Variants in RBM25 observed in about 807,000 individuals in gnomAD.
RBM25 encodes the protein RNA-binding protein 25.
A neutral mutation model predicts 120.7 loss-of-function variants in RBM25; 19 were observed. The ratio of observed to expected loss-of-function variants is 0.16; its 90% CI spans 0.11 to 0.23. The LOEUF (loss-of-function observed/expected upper bound fraction) is 0.23, where lower values mean the gene tolerates loss of function less well. RBM25 is among the 10% of genes least tolerant of loss of function. The pLI, the probability that RBM25 is intolerant of heterozygous loss-of-function variation, is 1.00. For missense variants in RBM25, 605 were observed against 1,041.5 expected, an observed-to-expected ratio of 0.58 and a Z score of 5.77; for synonymous variants, 390 against 326.7, an observed-to-expected ratio of 1.19 and a Z score of -2.09.
At chr14:73,075,432 T>G (rs1842371345) in intron 2 of RBM25, among the ~76,000 whole-genome samples, 1 of 152,216 alleles carries the variant, frequency 6.6e-6, no homozygotes. Context: ...GTGCTGGCAT[T>G]ACAGGCGTGA....
chr14:73,095,132 C>T lies in RBM25; in HGVS notation c.544-1783C>T, dbSNP rs181961102. ...GCCTCCCAAAGCGCTGGGTTGCAGG[C>T]GTGAGCCACCGAGCCCTGCCAAGTG... is the stretch of plus-strand genomic sequence containing the variant. On this transcript the variant is annotated intron_variant, in intron 6 of 18. Transcript: ENST00000261973. 9.9e-5 allele frequency among the ~76,000 whole-genome samples: 15 copies of T among 151,970 alleles called. No homozygotes were observed. In the East Asian group the frequency reaches 2.1e-3, roughly 22 times the overall value.
At chr14:73,080,586 C>G (rs1390478431) in intron 4 of RBM25, among the ~76,000 whole-genome samples, 1 of 152,010 alleles carries the variant, frequency 6.6e-6, no homozygotes, top group South Asian at 2.1e-4. Context: ...TGTGAAATAC[C>G]TTATTCCTAT....
chr14:73,115,207 T>C (rs963162996), intron 18 of RBM25, among the ~76,000 whole-genome samples: 8 of 151,440 alleles, frequency 5.3e-5, no homozygotes, highest in African/African-American at 2.0e-4. Context: ...CGGATACATG[T>C]GCAGGTTTGT....
intron 1 of RBM25, chr14:73,065,059 T>G (rs1594893782): frequency 6.8e-6 from 1 of 146,240 alleles, no homozygotes; most frequent in Non-Finnish European, 1.5e-5. Flanking sequence ...CAAGCAATTC[T>G]CCTGCCTCAC....
intron 10 of RBM25, among the ~76,000 whole-genome samples, chr14:73,105,364 T>C (rs538293077): frequency 6.6e-6 from 1 of 152,354 alleles, no homozygotes; most frequent in South Asian, 2.1e-4. Context: ...TCAGTGCTGA[T>C]ACTTATAAAA....
chr14:73,116,719 TC>T (rs2140467455), intron 18 of RBM25, among the ~76,000 whole-genome samples: 1 of 152,350 alleles, frequency 6.6e-6, no homozygotes, highest in African/African-American at 2.4e-5. Flanking sequence ...TCAGCAGAGT[TC>T]CTATCATACA....
At chr14:73,114,456 A>G in intron 18 of RBM25, 123 bp downstream of exon 18, 1 of 601,552 alleles carries the variant, frequency 1.7e-6, no homozygotes, top group Non-Finnish European at 2.7e-6. Context: ...TCCTAGGCTT[A>G]AGTGATCCTC....
intron 15 of RBM25, 114 bp from the exon 16 acceptor site, chr14:73,111,414 T>C: frequency 8.2e-7 from 1 of 1,217,054 alleles, no homozygotes. Flanking sequence ...ACAGTTGGGA[T>C]CTTTCTCTAA....
chr14:73,075,952 A>G (rs1054496728), intron 2 of RBM25, among the ~76,000 whole-genome samples: 4 of 151,764 alleles, frequency 2.6e-5, no homozygotes, highest in Non-Finnish European at 5.9e-5. Flanking sequence ...AGCTGTTTTT[A>G]CTTTTAAAGG....
At chr14:73,088,228 A>G in intron 6 of RBM25, 67 bp downstream of exon 6, 1 of 1,570,722 alleles carries the variant, frequency 6.4e-7, no homozygotes, top group Non-Finnish European at 8.7e-7. Context: ...GCTTCTCATT[A>G]TAAATGAATC....
At chr14:73,085,200 G>A (rs750720783) in intron 5 of RBM25, among the ~76,000 whole-genome samples, 1 of 151,586 alleles carries the variant, frequency 6.6e-6, no homozygotes, top group Non-Finnish European at 1.5e-5. Flanking sequence ...TGTACTTTTA[G>A]TAGAGACAGG....
At chr14:73,072,686 G>A (rs2140428200) in intron 2 of RBM25, among the ~76,000 whole-genome samples, 1 of 152,256 alleles carries the variant, frequency 6.6e-6, no homozygotes, top group Non-Finnish European at 1.5e-5. Context: ...GTGGTGGTGC[G>A]TGTCTGTTGT....
At chr14:73,089,905 C>A (rs968883905) in intron 6 of RBM25, among the ~76,000 whole-genome samples, 1 of 152,170 alleles carries the variant, frequency 6.6e-6, no homozygotes, top group Non-Finnish European at 1.5e-5. Flanking sequence ...CTGCCTCAGC[C>A]TCCCAAAGTG....
intron 2 of RBM25, among the ~76,000 whole-genome samples, chr14:73,072,047 A>G (rs542146877): frequency 1.3e-4 from 20 of 151,632 alleles, no homozygotes; most frequent in African/African-American, 4.4e-4. Flanking sequence ...ATCTCCGCTC[A>G]CTGCAACCTC....
chr14:73,095,482 T>C lies in RBM25; in HGVS notation c.544-1433T>C, dbSNP rs78026912. 4.4e-3 allele frequency among the ~76,000 whole-genome samples: 664 copies of C among 151,932 alleles called. 3 individuals carry two copies. The highest frequency in any genetic ancestry group is 0.015 in the African/African-American group (637 of 41,450). ...TTAGTCGGGTGTGGTGGCGGGAGCC[T>C]GTGGTCCCAGCTACTCAGGAGGCTA... On this transcript the variant is annotated intron_variant, in intron 6 of 18. Coordinates refer to ENST00000261973, the MANE Select transcript of RBM25 (RefSeq NM_021239.3).
chr14:73,060,542 GCTAAAACAGT>G (rs1197963495), intron 1 of RBM25, among the ~76,000 whole-genome samples: 2 of 151,404 alleles, frequency 1.3e-5, no homozygotes, highest in Non-Finnish European at 3.0e-5. Flanking sequence ...TTAACATCTT[GCTAAAACAGT>G]CTGTATTTTA....
chr14:73,070,980 G>A (rs113651676), intron 1 of RBM25, among the ~76,000 whole-genome samples: 6 of 146,698 alleles, frequency 4.1e-5, no homozygotes, highest in Middle Eastern at 3.7e-3. Context: ...GGTGGCTCAC[G>A]CCTGTAATCC....
chr14:73,077,962 C>T (rs1463172491), intron 4 of RBM25, among the ~76,000 whole-genome samples: 1 of 152,026 alleles, frequency 6.6e-6, no homozygotes, highest in Admixed American at 6.6e-5. Flanking sequence ...GCTAGGAGTT[C>T]GAGACCAGCC....
chr14:73,109,906 A>T (rs1301162842), intron 14 of RBM25, among the ~76,000 whole-genome samples: 4 of 149,940 alleles, frequency 2.7e-5, no homozygotes, highest in African/African-American at 9.8e-5. Context: ...TTTTTTTGAG[A>T]TGGGGTCTCG....
Sources: allele counts gnomAD v4.1 joint callset (sites outside exome capture counted in the v4.1 genomes callset), GRCh38; gene constraint gnomAD v4.1.1; transcripts MANE v1.5; gene names NCBI Gene and HGNC (gene_info 2026-07-23, HGNC 2026-07-21).